PDCL2: variants seen among roughly 807,000 people sequenced by gnomAD.
PDCL2 encodes phosducin-like protein 2.
PDCL2 carries 23 observed loss-of-function variants against 30.3 expected under a neutral mutation model. The ratio of observed to expected loss-of-function variants is 0.76; its 90% CI spans 0.55 to 1.08. The LOEUF (loss-of-function observed/expected upper bound fraction) is 1.08, where lower values mean the gene tolerates loss of function less well. Ranked by LOEUF, PDCL2 falls within the 50% of genes least tolerant of loss-of-function variation. The pLI is 0.00. For synonymous variants in PDCL2, 68 were observed against 86.2 expected (o/e 0.79, Z 1.17); for missense variants, 243 against 282.3 (o/e 0.86, Z 1.00).
intron 4 of PDCL2, among the ~76,000 whole-genome samples, chr4:55,565,163 T>C (rs915523887): frequency 2.0e-5 from 3 of 152,142 alleles, no homozygotes; most frequent in Admixed American, 6.5e-5. Flanking sequence ...AACAACACTA[T>C]TGTAGAACCT....
At chr4:55,565,973 G>GTTTTT (rs71194595) in intron 4 of PDCL2, among the ~76,000 whole-genome samples, 92 of 74,492 alleles carry the variant, frequency 1.2e-3, no homozygotes, top group African/African-American at 2.3e-3. Context: ...CCATTTTTCT[G>GTTTTT]TTTTTTTTTT....
At chr4:55,575,019 C>T (rs369233944) in intron 3 of PDCL2, among the ~76,000 whole-genome samples, 32 of 152,238 alleles carry the variant, frequency 2.1e-4, no homozygotes, top group African/African-American at 7.5e-4. Context: ...ATTTACATTC[C>T]CAGTGGCAAT....
chr4:55,592,166 C>T lies in PDCL2; in HGVS notation c.-57G>A, dbSNP rs926358928. On this transcript the variant is annotated 5_prime_UTR_variant, in exon 1 of 6. It adds an upstream start codon to the 5' untranslated region. Coordinates refer to ENST00000295645, the MANE Select transcript of PDCL2 (RefSeq NM_152401.3). The stretch of plus-strand genomic sequence containing the variant: ...TCGTCCTGCAGCTGGCGAGGCGCCA[C>T]GGATGGAGACCCGCAGCCTTCTCCA... The T allele has an allele frequency of 1.9e-6, 3 of 1,595,430 alleles. No homozygotes were observed. Among genetic ancestry groups the T allele is most frequent in the African/African-American group, 2.7e-5 (2 of 74,298 alleles).
At chr4:55,587,383 G>A (rs1732890741) in intron 1 of PDCL2, among the ~76,000 whole-genome samples, 1 of 152,014 alleles carries the variant, frequency 6.6e-6, no homozygotes, top group Admixed American at 6.6e-5. Flanking sequence ...GAATTTTGGA[G>A]CAGACACACT....
intron 3 of PDCL2, among the ~76,000 whole-genome samples, chr4:55,575,075 A>AGTGGT (rs1732528868): frequency 6.6e-6 from 1 of 152,192 alleles, no homozygotes; most frequent in Non-Finnish European, 1.5e-5. Context: ...TAACCACCTT[A>AGTGGT]GTGTGTTTGA....
At chr4:55,563,648 G>A (rs908061019) in intron 4 of PDCL2, among the ~76,000 whole-genome samples, 1 of 152,220 alleles carries the variant, frequency 6.6e-6, no homozygotes, top group Admixed American at 6.5e-5. Context: ...GTACATGAGA[G>A]AGGAAACACA....
chr4:55,560,212 C>T (rs1732092283), intron 5 of PDCL2, among the ~76,000 whole-genome samples: 1 of 149,624 alleles, frequency 6.7e-6, no homozygotes, highest in Non-Finnish European at 1.5e-5. Context: ...GAGATACACA[C>T]TAAATTCGTG....
chr4:55,565,307 G>A (rs188393531), intron 4 of PDCL2, among the ~76,000 whole-genome samples: 16 of 152,192 alleles, frequency 1.1e-4, no homozygotes, highest in Middle Eastern at 3.4e-3. Context: ...GTATTAGTCC[G>A]TTCTCATGCT....
In PDCL2 at chr4:55,569,793, G is replaced by A; in HGVS notation, c.287C>T (p.Ser96Phe). 1.3e-6 allele frequency: 2 copies of A among 1,563,860 alleles called. No individual in the cohort carries two copies. Among genetic ancestry groups the A allele is most frequent in the Non-Finnish European group, 1.7e-6 (2 of 1,153,130 alleles). ...KQKFGELREI[S>F]GNQYVNEVTN... The stretch of plus-strand genomic sequence containing the variant: ...GACTTCATTCACATACTGATTTCCA[G>A]AAATTTCTCTTAATTCTCCAAATTT... The change falls in exon 4 of 6, where the codon TCT (serine) becomes TTT (phenylalanine). Residue 96 changes from serine (S) to phenylalanine (F), a missense_variant. Ser to Phe is a radical substitution (Grantham distance 155, BLOSUM62 -2). Coordinates refer to ENST00000295645, the MANE Select transcript of PDCL2 (RefSeq NM_152401.3).
At chr4:55,563,189 C>A (rs1234578027) in intron 4 of PDCL2, among the ~76,000 whole-genome samples, 2 of 152,236 alleles carry the variant, frequency 1.3e-5, no homozygotes, top group Non-Finnish European at 2.9e-5. Context: ...TGCTTTATCA[C>A]TTAATTCTCA....
At chr4:55,574,173 C>A (rs528165746) in intron 3 of PDCL2, among the ~76,000 whole-genome samples, 2 of 152,124 alleles carry the variant, frequency 1.3e-5, no homozygotes, top group South Asian at 4.2e-4. Context: ...AAAATAATGC[C>A]ATAATTTGGT....
chr4:55,578,913 C>T (rs1013160129), intron 3 of PDCL2, among the ~76,000 whole-genome samples: 1 of 152,092 alleles, frequency 6.6e-6, no homozygotes, highest in African/African-American at 2.4e-5. Context: ...TGGATCTTAC[C>T]CATAGGAAAT....
At chr4:55,573,107 G>A (rs1426809773) in intron 3 of PDCL2, among the ~76,000 whole-genome samples, 5 of 152,084 alleles carry the variant, frequency 3.3e-5, no homozygotes, top group African/African-American at 7.2e-5. Flanking sequence ...AATCCCCGGT[G>A]AAATGTCTAA....
intron 4 of PDCL2, 45 bp from the exon 5 acceptor site, chr4:55,562,657 T>A: frequency 5.4e-6 from 7 of 1,291,892 alleles, no homozygotes; most frequent in Non-Finnish European, 7.4e-6. Flanking sequence ...AATGGGCTAC[T>A]CATCTCAGTC....
intron 2 of PDCL2, 68 bp from the exon 3 acceptor site, chr4:55,580,979 G>A: frequency 9.0e-7 from 1 of 1,112,340 alleles, no homozygotes; most frequent in South Asian, 1.7e-5. Flanking sequence ...TCAATGTCTA[G>A]AAAAAAACCG....
intron 3 of PDCL2, among the ~76,000 whole-genome samples, chr4:55,572,828 C>T (rs1483397614): frequency 6.6e-6 from 1 of 151,992 alleles, no homozygotes; most frequent in Non-Finnish European, 1.5e-5. Flanking sequence ...TGGGTGATCT[C>T]GGCTCACTGT....
chr4:55,562,427 C>G lies in PDCL2; in HGVS notation c.548G>C (p.Gly183Ala). The G allele has an allele frequency of 6.9e-7, 1 of 1,451,802 alleles. No individual in the cohort carries two copies. Among genetic ancestry groups the G allele is most frequent in the Non-Finnish European group, 9.1e-7 (1 of 1,097,852 alleles). The allele number at this position is 1,451,802 out of a possible 1,614,324, so 89.9% of individuals were successfully genotyped here. The change falls in exon 5 of 6, where the codon GGA becomes GCA. Residue 183 changes from glycine to alanine, a missense_variant. Transcript: ENST00000295645. ...EAKFIGIIEC[G>A]GINLKLEELE... ...ACCTTCCAGCTTGAGATTTATCCCT[C>G]CACATTCTATAATTCCAATGAATTT...
At chr4:55,562,748 T>C (rs1732167747) in intron 4 of PDCL2, 136 bp from the exon 5 acceptor site, 4 of 572,476 alleles carry the variant, frequency 7.0e-6, no homozygotes, top group African/African-American at 5.9e-5. Flanking sequence ...TCCTCTATTG[T>C]TACCTTTAGC....
At chr4:55,573,403 T>A (rs1331921544) in intron 3 of PDCL2, among the ~76,000 whole-genome samples, 2 of 152,194 alleles carry the variant, frequency 1.3e-5, no homozygotes, top group Non-Finnish European at 2.9e-5. Context: ...CATCTTTTTT[T>A]AAAAGAAATC....
Sources: gnomAD v4.1 joint callset for allele counts (sites outside exome capture counted in the v4.1 genomes callset) on GRCh38, gnomAD v4.1.1 for gene constraint, MANE v1.5 for transcripts, NCBI Gene and HGNC (gene_info 2026-07-23, HGNC 2026-07-21) for gene names.